N4BP2L2: variants seen among roughly 807,000 people sequenced by gnomAD.
N4BP2L2 encodes the protein NEDD4 binding protein 2 like 2.
Under a neutral mutation model 56.2 loss-of-function variants are expected in N4BP2L2, and 50 were observed. The ratio of observed to expected loss-of-function variants is 0.89; its 90% CI spans 0.71 to 1.13. The LOEUF (loss-of-function observed/expected upper bound fraction) is 1.13. Among genes scored for constraint, N4BP2L2 ranks in the 50% most tolerant of loss-of-function variants. The pLI is 0.00. For missense variants in N4BP2L2, 689 were observed against 693.8 expected, an observed-to-expected ratio of 0.99 and a Z score of 0.08; for synonymous variants, 203 against 223.6, an observed-to-expected ratio of 0.91 and a Z score of 0.82.
At chr13:32,485,132 A>G (rs2085590338) in intron 6 of N4BP2L2, among the ~76,000 whole-genome samples, 1 of 152,112 alleles carries the variant, frequency 6.6e-6, no homozygotes. Flanking sequence ...CTTTATTCTC[A>G]CCTTCCTTGT....
At chr13:32,462,865 A>T (rs1418723389) in intron 6 of N4BP2L2, among the ~76,000 whole-genome samples, 24 of 57,740 alleles carry the variant, frequency 4.2e-4, no homozygotes, top group African/African-American at 1.3e-3. Flanking sequence ...CTTTACTAAA[A>T]AAAAAAAAAA....
intron 6 of N4BP2L2, chr13:32,478,000 G>A: frequency 7.8e-7 from 1 of 1,289,294 alleles, no homozygotes; most frequent in Non-Finnish European, 1.0e-6. Flanking sequence ...TGACATACTG[G>A]TGTTCATCAT....
At chr13:32,508,229 G>A (rs530265985), downstream of N4BP2L2, 4 of 152,152 alleles carry the variant, frequency 2.6e-5, no homozygotes, top group Non-Finnish European at 5.9e-5. Context: ...AATATTATCA[G>A]AAGTGAGGGA....
chr13:32,513,818 T>C (rs2048632362), exon 6 of N4BP2L2: 1 of 152,144 alleles, frequency 6.6e-6, no homozygotes, highest in Non-Finnish European at 1.5e-5. Flanking sequence ...CATGTCAGAA[T>C]ACATTAAACT....
At chr13:32,484,745 A>G (rs1293097827) in intron 6 of N4BP2L2, among the ~76,000 whole-genome samples, 1 of 152,214 alleles carries the variant, frequency 6.6e-6, no homozygotes, top group Non-Finnish European at 1.5e-5. Flanking sequence ...TCAGTCTCCC[A>G]AAGTGCTGGG....
At chr13:32,435,385 C>T (rs973343364) in intron 9 of N4BP2L2, among the ~76,000 whole-genome samples, 72 of 152,246 alleles carry the variant, frequency 4.7e-4, no homozygotes, top group African/African-American at 1.6e-3. Flanking sequence ...AGGCACCTGC[C>T]ACCACACCTG....
At chr13:32,529,500 T>C (rs1411814048) in intron 2 of N4BP2L2, among the ~76,000 whole-genome samples, 4 of 152,192 alleles carry the variant, frequency 2.6e-5, no homozygotes, top group African/African-American at 4.8e-5. Context: ...ACAGATAACC[T>C]AGAATATGAA....
At chr13:32,443,716 G>C (rs2076646361) in exon 7 of N4BP2L2, 1 of 1,584,354 alleles carries the variant, frequency 6.3e-7, no homozygotes, top group African/African-American at 1.4e-5. Flanking sequence ...TATTGGACAA[G>C]TAACGGAGAT....
chr13:32,461,160 C>T (rs1305286527), intron 6 of N4BP2L2, among the ~76,000 whole-genome samples: 1 of 152,094 alleles, frequency 6.6e-6, no homozygotes, highest in Non-Finnish European at 1.5e-5. Context: ...AGATCGAAAA[C>T]TATAAAACTA....
At chr13:32,532,093 C>T (rs1383262614) in intron 2 of N4BP2L2, among the ~76,000 whole-genome samples, 2 of 152,184 alleles carry the variant, frequency 1.3e-5, no homozygotes, top group South Asian at 4.1e-4. Flanking sequence ...AGGACAGCCT[C>T]CCCATTGCAA....
exon 6 of N4BP2L2, chr13:32,511,285 C>T (rs2048084659): frequency 1.3e-5 from 2 of 152,118 alleles, no homozygotes; most frequent in Admixed American, 1.3e-4. Context: ...GGCATTGCAC[C>T]ATATAAGGAA....
chr13:32,527,063 A>G (rs1396477891), intron 3 of N4BP2L2: 1 of 166,512 alleles, frequency 6.0e-6, no homozygotes, highest in East Asian at 1.7e-4. Flanking sequence ...TTGGGACTAC[A>G]TAACAATGGT....
chr13:32,529,759 T>C (rs952551506), intron 2 of N4BP2L2, among the ~76,000 whole-genome samples: 2 of 151,498 alleles, frequency 1.3e-5, no homozygotes, highest in African/African-American at 2.4e-5. Flanking sequence ...AGAGTCCGAC[T>C]CTATTGCCCA....
chr13:32,435,118 C>T (rs73458496), intron 9 of N4BP2L2, among the ~76,000 whole-genome samples: 8,830 of 152,228 alleles, frequency 0.058, 507 homozygotes, highest in African/African-American at 0.15. Context: ...CAGCCAAGTC[C>T]TTGCCCAACA....
intron 6 of N4BP2L2, among the ~76,000 whole-genome samples, chr13:32,483,605 C>T (rs2085219891): frequency 6.6e-6 from 1 of 152,166 alleles, no homozygotes; most frequent in South Asian, 2.1e-4. Flanking sequence ...TTTATACTTA[C>T]TGTATGGGGG....
chr13:32,525,776 T>C (rs992417289), intron 3 of N4BP2L2, among the ~76,000 whole-genome samples: 3 of 152,110 alleles, frequency 2.0e-5, no homozygotes, highest in African/African-American at 4.8e-5. Context: ...GCAACCCTAG[T>C]TGGCAGCTTT....
At chr13:32,436,648 G>T (rs956788915) in intron 8 of N4BP2L2, among the ~76,000 whole-genome samples, 8 of 151,590 alleles carry the variant, frequency 5.3e-5, no homozygotes, top group Non-Finnish European at 8.8e-5. Context: ...AAATTAGCTG[G>T]GTATGGTGGT....
exon 6 of N4BP2L2, chr13:32,515,755 GAGA>G (rs1253497394): frequency 2.1e-5 from 3 of 145,920 alleles, no homozygotes; most frequent in Admixed American, 2.0e-4. Flanking sequence ...TTTTTTTTTT[GAGA>G]AGGAGTCTCA....
chr13:32,529,238 G>A (rs933122913), intron 2 of N4BP2L2, among the ~76,000 whole-genome samples: 1 of 152,238 alleles, frequency 6.6e-6, no homozygotes, highest in Non-Finnish European at 1.5e-5. Context: ...ATTTAAGTAT[G>A]TATAGGTTGG....
Sources: gnomAD v4.1 joint callset for allele counts (sites outside exome capture counted in the v4.1 genomes callset) on GRCh38, gnomAD v4.1.1 for gene constraint, MANE v1.5 for transcripts, NCBI Gene and HGNC (gene_info 2026-07-23, HGNC 2026-07-21) for gene names.